Variants in DOP1A observed in about 807,000 individuals in gnomAD.
DOP1A encodes the protein DOP1 leucine zipper like protein A.
A neutral mutation model predicts 267.6 loss-of-function variants in DOP1A; 90 were observed. The ratio of observed to expected loss-of-function variants is 0.34; its 90% CI spans 0.28 to 0.40. The LOEUF is 0.40. Among genes scored for constraint, DOP1A ranks in the 10% least tolerant of loss-of-function variants. The pLI is 1.00. For synonymous variants in DOP1A, 932 were observed against 999.1 expected (o/e 0.93, Z 1.27); for missense variants, 2,437 against 2,900.4 (o/e 0.84, Z 3.67).
At chr6:83,068,723 C>T (rs1173125092) in intron 1 of DOP1A, among the ~76,000 whole-genome samples, 1 of 152,192 alleles carries the variant, frequency 6.6e-6, no homozygotes, top group African/African-American at 2.4e-5. Flanking sequence ...ATATGGTCTA[C>T]AGTGAATAAC....
rs150638664 is a variant in DOP1A at position 83,136,969 on chromosome 6, C to T, written c.3131-204C>T. 2.6e-3 allele frequency among the ~76,000 whole-genome samples: 388 copies of T among 152,084 alleles called. 1 individual carries two copies. Among genetic ancestry groups the T allele is most frequent in the Admixed American group, 5.2e-3 (80 of 15,248 alleles). ...TGCTAATTTTAAAGTCTTTAGAGAGCTTAGAAACAGCATAACTAAAGTGAG... is the reference window on the plus strand; with the variant it reads ...TGCTAATTTTAAAGTCTTTAGAGAGTTTAGAAACAGCATAACTAAAGTGAG... On this transcript the variant is annotated intron_variant, in intron 20 of 38. Transcript: ENST00000349129.
chr6:83,153,665 G>A, intron 31 of DOP1A, 45 bp downstream of exon 31: 2 of 1,451,298 alleles, frequency 1.4e-6, no homozygotes, highest in South Asian at 1.3e-5. Context: ...TTCATAGCCT[G>A]TTAGAAACAA....
At chr6:83,125,410 G>A (rs1777009197) in intron 14 of DOP1A, 90 bp from the exon 15 acceptor site, 1 of 1,226,306 alleles carries the variant, frequency 8.2e-7, no homozygotes, top group South Asian at 1.4e-5. Context: ...TTATGGATGA[G>A]TAAAATCATT....
chr6:83,142,816 AT>A (rs1469321463), intron 24 of DOP1A, among the ~76,000 whole-genome samples: 1 of 152,072 alleles, frequency 6.6e-6, no homozygotes, highest in Non-Finnish European at 1.5e-5. Context: ...TAGCTGAGTT[AT>A]ATATGTGAAT....
intron 23 of DOP1A, among the ~76,000 whole-genome samples, chr6:83,140,869 CT>C (rs751340697): frequency 0.02 from 2,890 of 147,178 alleles, 49 homozygotes; most frequent in Admixed American, 0.063. Flanking sequence ...AACTTTATTC[CT>C]TTTTTTTTTA....
chr6:83,120,359 A>T (rs1313070428), intron 9 of DOP1A, among the ~76,000 whole-genome samples: 1 of 151,950 alleles, frequency 6.6e-6, no homozygotes, highest in Non-Finnish European at 1.5e-5. Flanking sequence ...CTGCCATGAT[A>T]ATGTGGCATA....
intron 4 of DOP1A, among the ~76,000 whole-genome samples, chr6:83,101,828 AAAT>A (rs1266848063): frequency 4.6e-5 from 7 of 152,242 alleles, no homozygotes; most frequent in African/African-American, 1.7e-4. Context: ...GTAGATAAAC[AAAT>A]TAACATAGCC....
At chr6:83,094,554 G>A (rs1046426212) in intron 1 of DOP1A, among the ~76,000 whole-genome samples, 2 of 152,120 alleles carry the variant, frequency 1.3e-5, no homozygotes, top group Admixed American at 6.5e-5. Context: ...TACATAACAC[G>A]CTTATTGTCT....
chr6:83,164,411 T>C (rs1035283335), intron 38 of DOP1A, among the ~76,000 whole-genome samples: 3 of 151,984 alleles, frequency 2.0e-5, no homozygotes, highest in Admixed American at 2.0e-4. Context: ...GAAGCAAATA[T>C]GACCCCAGGC....
chr6:83,102,607 G>T (rs1036528615), intron 4 of DOP1A, among the ~76,000 whole-genome samples: 1 of 152,134 alleles, frequency 6.6e-6, no homozygotes, highest in Non-Finnish European at 1.5e-5. Flanking sequence ...ATCATCTCTA[G>T]CTCAGGCTTC....
rs1457505216 is a variant in DOP1A at position 83,138,756 on chromosome 6, T to C, written c.4714T>C (p.Phe1572Leu). The C allele has an allele frequency of 6.2e-7, 1 of 1,614,056 alleles. No individual in the cohort carries two copies. The highest frequency in any genetic ancestry group is 1.3e-5 in the African/African-American group (1 of 75,038). The change falls in exon 21 of 39, where the codon TTT (phenylalanine) becomes CTT (leucine). Residue 1572 changes from phenylalanine to leucine, a missense_variant. Transcript: ENST00000349129. ...DSLINFSEDE[F>L]DNGSTLQSQL... is the part of the protein sequence containing the mutation. ...CCTTATTAATTTCTCAGAGGATGAATTTGACAATGGCAGCACGTTGCAGTC... is the reference window on the plus strand; with the variant it reads ...CCTTATTAATTTCTCAGAGGATGAACTTGACAATGGCAGCACGTTGCAGTC...
intron 20 of DOP1A, among the ~76,000 whole-genome samples, chr6:83,136,790 C>G (rs769012599): frequency 2.0e-5 from 3 of 152,070 alleles, no homozygotes; most frequent in Non-Finnish European, 4.4e-5. Flanking sequence ...TGCCAGACCT[C>G]ATCAATGGTA....
chr6:83,116,523 A>G (rs762401489), intron 7 of DOP1A, among the ~76,000 whole-genome samples: 1 of 152,120 alleles, frequency 6.6e-6, no homozygotes, highest in Non-Finnish European at 1.5e-5. Flanking sequence ...AAACAATACA[A>G]TTTCAGCCAG....
At chr6:83,145,710 T>C (rs760283287) in intron 25 of DOP1A, 52 bp downstream of exon 25, 1 of 1,580,242 alleles carries the variant, frequency 6.3e-7, no homozygotes, top group South Asian at 1.2e-5. Flanking sequence ...TCAGAAATTA[T>C]GCTGGTAAGA....
Position 83,110,318 on chromosome 6 carries a change from G to C in DOP1A, c.681+4G>C, listed in dbSNP as rs1261192510. On this transcript the variant is annotated splice_donor_region_variant and intron_variant, in intron 6 of 38. Transcript: ENST00000349129. Reference sequence around the variant, plus strand: ...TGGCAGTGATATTGAGCTAATGGTAGGTCTAAAAATATGGTTGCTCATTTC... The same window carrying C: ...TGGCAGTGATATTGAGCTAATGGTACGTCTAAAAATATGGTTGCTCATTTC... The C allele has an allele frequency of 3.1e-6, 5 of 1,610,812 alleles. No homozygotes were observed. Among genetic ancestry groups the C allele is most frequent in the Middle Eastern group, 1.7e-4 (1 of 6,050 alleles).
chr6:83,121,608 G>T (rs770150343), intron 10 of DOP1A, among the ~76,000 whole-genome samples: 5 of 151,524 alleles, frequency 3.3e-5, no homozygotes, highest in Non-Finnish European at 5.9e-5. Flanking sequence ...GTAAATTTTG[G>T]TATTATCCTC....
chr6:83,170,357 C>T (rs1447955006), downstream of DOP1A: 3 of 1,614,104 alleles, frequency 1.9e-6, no homozygotes, highest in Non-Finnish European at 1.7e-6. Flanking sequence ...ACCAGAGGGC[C>T]GGACAAAAGC....
intron 6 of DOP1A, among the ~76,000 whole-genome samples, chr6:83,111,626 A>G (rs890029821): frequency 6.6e-6 from 1 of 152,126 alleles, no homozygotes; most frequent in Non-Finnish European, 1.5e-5. Flanking sequence ...AAGACTAACG[A>G]TGAACATCTT....
At chr6:83,135,906 T>G in intron 20 of DOP1A, 28 bp downstream of exon 20, 1 of 1,599,112 alleles carries the variant, frequency 6.3e-7, no homozygotes, top group South Asian at 1.1e-5. Flanking sequence ...GTAGACAGCT[T>G]TATTTAGAAT....
Sources: allele counts gnomAD v4.1 joint callset (sites outside exome capture counted in the v4.1 genomes callset), GRCh38; gene constraint gnomAD v4.1.1; transcripts MANE v1.5; gene names NCBI Gene and HGNC (gene_info 2026-07-23, HGNC 2026-07-21).